The following PLCZ1 variants were observed in gnomAD, a reference collection of about 807,000 sequenced individuals.
PLCZ1 encodes the protein phospholipase C zeta 1, also known as 1-phosphatidylinositol 4,5-bisphosphate phosphodiesterase zeta-1.
A neutral mutation model predicts 76.8 loss-of-function variants in PLCZ1; 64 were observed. The ratio of observed to expected loss-of-function variants is 0.83; its 90% CI spans 0.68 to 1.03. The LOEUF is 1.03. PLCZ1 is among the 50% of genes least tolerant of loss of function. PLCZ1 has a pLI of 0.00. For synonymous variants in PLCZ1, 248 were observed against 230.8 expected, an observed-to-expected ratio of 1.07 and a Z score of -0.68; for missense variants, 751 against 713.7, an observed-to-expected ratio of 1.05 and a Z score of -0.60.
At chr12:18,669,188 A>G in the PLCZ1 span, among the ~76,000 whole-genome samples, 1 of 152,134 alleles carries the variant, frequency 6.6e-6, no homozygotes, top group African/African-American at 2.4e-5. Context: ...CACACAAAAG[A>G]AGTTGAGTAA....
intron 6 of PLCZ1, among the ~76,000 whole-genome samples, chr12:18,710,200 G>T (rs1957127543): frequency 6.8e-6 from 1 of 147,930 alleles, no homozygotes; most frequent in Non-Finnish European, 1.5e-5. Flanking sequence ...TTGCTTTTTG[G>T]AATCTTAGAA....
the PLCZ1 span, among the ~76,000 whole-genome samples, chr12:18,656,316 G>A: frequency 3.9e-5 from 6 of 151,944 alleles, no homozygotes; most frequent in Non-Finnish European, 8.8e-5. Context: ...AGTGGGTCAC[G>A]CCTGTAATCC....
chr12:18,658,508 G>A, the PLCZ1 span, among the ~76,000 whole-genome samples: 6 of 152,192 alleles, frequency 3.9e-5, no homozygotes, highest in South Asian at 4.1e-4. Context: ...ACAGACCATG[G>A]AGGCCAGACA....
intron 3 of PLCZ1, chr12:18,731,203 T>C (rs1348390388): frequency 6.6e-6 from 1 of 152,048 alleles, no homozygotes; most frequent in African/African-American, 2.4e-5. Flanking sequence ...AGCAGAGGTA[T>C]TGATTGCTTT....
chr12:18,665,342 C>T, the PLCZ1 span, among the ~76,000 whole-genome samples: 1 of 151,814 alleles, frequency 6.6e-6, no homozygotes, highest in South Asian at 2.1e-4. Flanking sequence ...GTATTTAATA[C>T]CACTGAACTG....
chr12:18,710,590 T>C (rs768011861), intron 6 of PLCZ1, among the ~76,000 whole-genome samples: 19 of 151,970 alleles, frequency 1.3e-4, no homozygotes, highest in South Asian at 2.1e-4. Context: ...TGAGATGAGA[T>C]TGCAGGGGAA....
chr12:18,721,905 G>A (rs907301047), intron 4 of PLCZ1, among the ~76,000 whole-genome samples: 8 of 151,872 alleles, frequency 5.3e-5, no homozygotes. Flanking sequence ...TCTTTGCATG[G>A]CACTGAGTCA....
At chr12:18,719,911 C>T (rs1958339478) in intron 4 of PLCZ1, among the ~76,000 whole-genome samples, 1 of 151,886 alleles carries the variant, frequency 6.6e-6, no homozygotes, top group South Asian at 2.1e-4. Context: ...ATATTATGGA[C>T]CAATGAACTT....
chr12:18,655,750 GAAAA>G, the PLCZ1 span, among the ~76,000 whole-genome samples: 2,390 of 145,018 alleles, frequency 0.016, 49 homozygotes, highest in African/African-American at 0.056. Flanking sequence ...ACCTTATCAT[GAAAA>G]AAAAAAAAAA....
At chr12:18,701,916 CT>C (rs1245232813) in intron 7 of PLCZ1, 140 bp from the exon 8 acceptor site, 1 of 1,213,022 alleles carries the variant, frequency 8.2e-7, no homozygotes, top group Non-Finnish European at 1.1e-6. Flanking sequence ...TCCCATACCC[CT>C]ATTCACATCT....
intron 3 of PLCZ1, among the ~76,000 whole-genome samples, chr12:18,728,020 C>T (rs1483431427): frequency 2.6e-5 from 4 of 151,918 alleles, no homozygotes; most frequent in East Asian, 1.9e-4. Context: ...AGAATGGTGC[C>T]GAGATCACCA....
At chr12:18,684,084 T>A in intron 14 of PLCZ1, 46 bp downstream of exon 14, 1 of 1,599,188 alleles carries the variant, frequency 6.3e-7, no homozygotes, top group Non-Finnish European at 8.5e-7. Context: ...TATACACAAG[T>A]TATATTTAAA....
chr12:18,668,568 T>C, the PLCZ1 span, among the ~76,000 whole-genome samples: 1 of 152,138 alleles, frequency 6.6e-6, no homozygotes, highest in African/African-American at 2.4e-5. Context: ...AGATCATGCA[T>C]GCTGGACCAT....
At chr12:18,729,936 A>G (rs1958951182) in intron 3 of PLCZ1, among the ~76,000 whole-genome samples, 1 of 152,152 alleles carries the variant, frequency 6.6e-6, no homozygotes, top group South Asian at 2.1e-4. Context: ...ATGTAATTCA[A>G]TTGTGTATAC....
At chr12:18,717,182 A>T (rs1469673811) in intron 5 of PLCZ1, among the ~76,000 whole-genome samples, 1 of 152,110 alleles carries the variant, frequency 6.6e-6, no homozygotes, top group East Asian at 1.9e-4. Flanking sequence ...GTAATGTAAA[A>T]GTAATTATAT....
the PLCZ1 span, among the ~76,000 whole-genome samples, chr12:18,655,975 A>G: frequency 6.6e-6 from 1 of 152,180 alleles, no homozygotes. Flanking sequence ...GGTAAAAAGT[A>G]AGTAAATTTT....
the PLCZ1 span, among the ~76,000 whole-genome samples, chr12:18,646,070 G>T: frequency 6.6e-6 from 1 of 152,120 alleles, no homozygotes; most frequent in Non-Finnish European, 1.5e-5. Context: ...AGGCAGCATT[G>T]GGCATCCAGT....
the PLCZ1 span, among the ~76,000 whole-genome samples, chr12:18,650,331 C>CTCTATATA: frequency 5.4e-5 from 5 of 91,984 alleles, no homozygotes; most frequent in Admixed American, 1.2e-4. Flanking sequence ...CTCTCTCTCT[C>CTCTATATA]TATATATATA....
the PLCZ1 span, among the ~76,000 whole-genome samples, chr12:18,663,185 C>A: frequency 6.6e-6 from 1 of 152,004 alleles, no homozygotes; most frequent in South Asian, 2.1e-4. Flanking sequence ...TGAACAGGTT[C>A]ATCACTTTTA....
Sources: gnomAD v4.1 joint callset for allele counts (sites outside exome capture counted in the v4.1 genomes callset) on GRCh38, gnomAD v4.1.1 for gene constraint, MANE v1.5 for transcripts, NCBI Gene and HGNC (gene_info 2026-07-23, HGNC 2026-07-21) for gene names.